ROS1: variants seen among roughly 807,000 people sequenced by gnomAD.
The protein encoded by ROS1 is ROS proto-oncogene 1, receptor tyrosine kinase.
Under a neutral mutation model 273.5 loss-of-function variants are expected in ROS1, and 263 were observed. That is an observed-to-expected ratio of 0.96 (90% CI 0.87 to 1.06). The LOEUF (loss-of-function observed/expected upper bound fraction) is 1.06. Among genes scored for constraint, ROS1 ranks in the 50% least tolerant of loss-of-function variants. ROS1 has a pLI of 0.00. For synonymous variants in ROS1, 1,008 were observed against 954.1 expected, an observed-to-expected ratio of 1.06 and a Z score of -1.04; for missense variants, 2,833 against 2,751.1, an observed-to-expected ratio of 1.03 and a Z score of -0.67.
intron 24 of ROS1, 131 bp downstream of exon 24, chr6:117,359,678 A>G (rs1444862320): frequency 6.8e-6 from 5 of 732,108 alleles, no homozygotes; most frequent in Non-Finnish European, 1.1e-5. Flanking sequence ...TGGCTAAATA[A>G]TTATACAATA....
At chr6:117,313,566 C>T (rs1292260077) in intron 39 of ROS1, among the ~76,000 whole-genome samples, 1 of 149,736 alleles carries the variant, frequency 6.7e-6, no homozygotes, top group African/African-American at 2.5e-5. Context: ...GAGAAAGACT[C>T]TGTCCAAAAA....
intron 41 of ROS1, among the ~76,000 whole-genome samples, 184 bp from the exon 42 acceptor site, chr6:117,309,112 C>T (rs1204258636): frequency 4.6e-5 from 7 of 152,086 alleles, no homozygotes; most frequent in Non-Finnish European, 8.8e-5. Flanking sequence ...CAAGACACTG[C>T]GTATGAGCAA....
intron 43 of ROS1, among the ~76,000 whole-genome samples, chr6:117,297,238 C>G (rs979173902): frequency 2.0e-5 from 3 of 152,028 alleles, no homozygotes; most frequent in African/African-American, 7.2e-5. Context: ...TAAAGACTTA[C>G]ATGTAATAAA....
chr6:117,319,266 G>C (rs941641807), intron 37 of ROS1, among the ~76,000 whole-genome samples: 24 of 152,248 alleles, frequency 1.6e-4, no homozygotes, highest in Middle Eastern at 3.4e-3. Flanking sequence ...ACTACAGCCT[G>C]TGGGCCAAAT....
At chr6:117,356,366 A>G (rs748591785) in intron 26 of ROS1, among the ~76,000 whole-genome samples, 1 of 152,240 alleles carries the variant, frequency 6.6e-6, no homozygotes, top group Non-Finnish European at 1.5e-5. Flanking sequence ...AGTACATGCT[A>G]AGAATATACA....
chr6:117,291,294 C>T (rs1383022163), intron 43 of ROS1, among the ~76,000 whole-genome samples: 1 of 152,152 alleles, frequency 6.6e-6, no homozygotes, highest in Admixed American at 6.5e-5. Flanking sequence ...ATTCTTCCTG[C>T]ATCATTACTT....
At chr6:117,363,608 C>A (rs918050858) in intron 21 of ROS1, among the ~76,000 whole-genome samples, 1 of 152,246 alleles carries the variant, frequency 6.6e-6, no homozygotes, top group South Asian at 2.1e-4. Context: ...AATCTCCAGG[C>A]CTTCTTACAT....
intron 5 of ROS1, among the ~76,000 whole-genome samples, chr6:117,408,955 A>G (rs1253693490): frequency 6.6e-6 from 1 of 151,582 alleles, no homozygotes; most frequent in Admixed American, 6.6e-5. Flanking sequence ...TCAGCAAACT[A>G]TCGCGAGGAC....
chr6:117,325,015 AAAG>A (rs773900111), intron 34 of ROS1, among the ~76,000 whole-genome samples: 4 of 152,126 alleles, frequency 2.6e-5, no homozygotes, highest in Non-Finnish European at 5.9e-5. Context: ...AAAAAGAAGA[AAAG>A]AAGAACATGC....
chr6:117,401,670 T>C (rs1773940851), intron 7 of ROS1, among the ~76,000 whole-genome samples: 1 of 152,180 alleles, frequency 6.6e-6, no homozygotes, highest in African/African-American at 2.4e-5. Context: ...GTTAGGATTT[T>C]ATCATCTTTA....
chr6:117,338,153 T>C (rs1777613389), intron 31 of ROS1, among the ~76,000 whole-genome samples: 1 of 152,150 alleles, frequency 6.6e-6, no homozygotes, highest in South Asian at 2.1e-4. Context: ...TCAGGGGTTC[T>C]TGGTGTATTT....
intron 24 of ROS1, among the ~76,000 whole-genome samples, chr6:117,358,366 A>G (rs1779503458): frequency 6.6e-6 from 1 of 152,076 alleles, no homozygotes; most frequent in Non-Finnish European, 1.5e-5. Context: ...TTTCTCCTGC[A>G]TTTTATATTT....
At chr6:117,295,023 A>C (rs775586938) in intron 43 of ROS1, among the ~76,000 whole-genome samples, 2 of 152,234 alleles carry the variant, frequency 1.3e-5, no homozygotes, top group Admixed American at 6.5e-5. Context: ...CAAAAGGAAC[A>C]AAACTCAAAG....
intron 5 of ROS1, 21 bp from the exon 6 acceptor site, chr6:117,404,449 C>A: frequency 6.2e-7 from 1 of 1,611,394 alleles, no homozygotes; most frequent in Non-Finnish European, 8.5e-7. Flanking sequence ...AACAAGATTT[C>A]ACTCACCACG....
intron 28 of ROS1, among the ~76,000 whole-genome samples, chr6:117,343,380 CTAAA>C (rs1006842249): frequency 1.3e-5 from 2 of 152,126 alleles, no homozygotes; most frequent in African/African-American, 4.8e-5. Flanking sequence ...TTTGAACAGG[CTAAA>C]TAAAGCCAAG....
At chr6:117,298,598 A>G (rs1774436511) in intron 43 of ROS1, among the ~76,000 whole-genome samples, 1 of 152,202 alleles carries the variant, frequency 6.6e-6, no homozygotes, top group Non-Finnish European at 1.5e-5. Flanking sequence ...CTTGAGCAAA[A>G]CATTATTATT....
At chr6:117,344,305 T>C (rs1025181556) in intron 27 of ROS1, 43 bp from the exon 28 acceptor site, 1 of 1,360,250 alleles carries the variant, frequency 7.4e-7, no homozygotes, top group Admixed American at 2.1e-5. Flanking sequence ...CTATACTATA[T>C]ATATGAGAGG....
intron 27 of ROS1, among the ~76,000 whole-genome samples, chr6:117,350,634 A>G (rs1406604017): frequency 1.4e-5 from 2 of 145,972 alleles, no homozygotes; most frequent in Non-Finnish European, 3.0e-5. Context: ...TACCTATCTT[A>G]CACCTTGTGT....
intron 33 of ROS1, among the ~76,000 whole-genome samples, chr6:117,328,994 G>A (rs901220113): frequency 6.6e-6 from 1 of 152,126 alleles, no homozygotes; most frequent in Non-Finnish European, 1.5e-5. Context: ...GAATTTACAT[G>A]CCATCATTAT....
Sources: allele counts gnomAD v4.1 joint callset (sites outside exome capture counted in the v4.1 genomes callset), GRCh38; gene constraint gnomAD v4.1.1; transcripts MANE v1.5; gene names NCBI Gene and HGNC (gene_info 2026-07-23, HGNC 2026-07-21).